SORCS1: variants seen among roughly 807,000 people sequenced by gnomAD.
SORCS1 encodes sortilin related VPS10 domain containing receptor 1, also known as VPS10 domain-containing receptor SorCS1.
Under a neutral mutation model 146.1 loss-of-function variants are expected in SORCS1, and 60 were observed. That is an observed-to-expected ratio of 0.41 (90% CI 0.33 to 0.51). The LOEUF (loss-of-function observed/expected upper bound fraction) is 0.51, where lower values mean the gene tolerates loss of function less well. SORCS1 is among the 20% of genes least tolerant of loss of function. The probability of loss-of-function intolerance (pLI) is 0.21; values close to 1 mark genes in which losing one functional copy is unlikely to be tolerated. For missense variants in SORCS1, 1,352 were observed against 1,487.6 expected (o/e 0.91, Z 1.50); for synonymous variants, 637 against 584.0 (o/e 1.09, Z -1.31).
At chr10:106,877,156 T>C (rs1432578383) in intron 2 of SORCS1, among the ~76,000 whole-genome samples, 1 of 152,240 alleles carries the variant, frequency 6.6e-6, no homozygotes, top group African/African-American at 2.4e-5. Context: ...TTGCCACAGC[T>C]TGATTTTTCT....
intron 24 of SORCS1, among the ~76,000 whole-genome samples, chr10:106,594,256 C>CT (rs1208766490): frequency 1.3e-5 from 2 of 151,956 alleles, no homozygotes; most frequent in Admixed American, 6.6e-5. Context: ...ATAAGGTTTC[C>CT]TTTTTTTTAC....
At chr10:106,760,767 G>A (rs573710127) in intron 5 of SORCS1, among the ~76,000 whole-genome samples, 1 of 151,798 alleles carries the variant, frequency 6.6e-6, no homozygotes, top group Admixed American at 6.6e-5. Flanking sequence ...AACATTTCTA[G>A]AAAGATAATT....
chr10:106,691,369 AGATCTT>A (rs1853282661), intron 9 of SORCS1, among the ~76,000 whole-genome samples: 1 of 152,224 alleles, frequency 6.6e-6, no homozygotes, highest in Non-Finnish European at 1.5e-5. Context: ...TTCTGCATAA[AGATCTT>A]TAAGAATTCT....
chr10:107,055,383 C>A (rs1960519989), intron 1 of SORCS1, among the ~76,000 whole-genome samples: 1 of 151,496 alleles, frequency 6.6e-6, no homozygotes, highest in Admixed American at 6.6e-5. Context: ...GTTATACAGG[C>A]AGGACTTAAT....
chr10:106,830,541 T>G (rs1000245501), intron 2 of SORCS1, among the ~76,000 whole-genome samples: 4 of 151,768 alleles, frequency 2.6e-5, no homozygotes, highest in Admixed American at 2.6e-4. Context: ...CTAGGCCCCA[T>G]GTTGCTTTCA....
At chr10:106,742,803 A>G (rs1023489361) in intron 5 of SORCS1, among the ~76,000 whole-genome samples, 1 of 152,160 alleles carries the variant, frequency 6.6e-6, no homozygotes, top group Admixed American at 6.5e-5. Context: ...TTGTCACTCA[A>G]AAAGTTTCAG....
In SORCS1 at chr10:106,606,274, TACACAC is replaced by T. The variant is rs6144077; in HGVS notation, c.3165+886_3165+891del. ...AATCACACAAATACACACACAGATA[TACACAC>T]ACACACACACACACACACACACACA... On this transcript the variant is annotated intron_variant, in intron 23 of 25. Coordinates refer to ENST00000263054, the MANE Select transcript of SORCS1 (RefSeq NM_052918.5). Among the ~76,000 whole-genome samples the T allele has an allele frequency of 7.2e-3, 998 of 139,034 alleles. 9 individuals carry two copies. The highest frequency in any genetic ancestry group is 0.02 in the African/African-American group (657 of 33,192). 91.2% of individuals were successfully genotyped at this position (139,034 alleles called of 152,430 possible). A position where few individuals can be genotyped will look rare whatever the true frequency, so the allele number is the denominator to read the frequency against.
At chr10:107,066,736 TA>T (rs927089412) in intron 1 of SORCS1, among the ~76,000 whole-genome samples, 1 of 152,156 alleles carries the variant, frequency 6.6e-6, no homozygotes, top group Admixed American at 6.5e-5. Context: ...CTGAGTTCTC[TA>T]AAAAAAGATT....
intron 1 of SORCS1, among the ~76,000 whole-genome samples, chr10:107,096,631 C>T (rs1245237282): frequency 6.6e-6 from 1 of 152,154 alleles, no homozygotes; most frequent in Non-Finnish European, 1.5e-5. Context: ...CCTGCCTCAG[C>T]CTCCTGAGTA....
rs759089178 is a variant in SORCS1 at position 106,629,280 on chromosome 10, C to T, written c.2584G>A (p.Val862Met). The T allele has an allele frequency of 1.9e-6, 3 of 1,614,160 alleles. No individual in the cohort carries two copies. Among genetic ancestry groups the T allele is most frequent in the Admixed American group, 1.7e-5 (1 of 60,022 alleles). Residue 862 changes from valine to methionine, a missense_variant, in exon 19 of 26, where the codon GTG becomes ATG. Transcript: ENST00000263054. ...EDGIKHVYQN[V>M]GIFRVTVQVD... Reference sequence around the variant, plus strand: ...TGCACGGTCACACGGAAAATGCCCACGTTCTGATAGACGTGTTTGATCCCA... The same window carrying T: ...TGCACGGTCACACGGAAAATGCCCATGTTCTGATAGACGTGTTTGATCCCA...
intron 1 of SORCS1, among the ~76,000 whole-genome samples, chr10:107,036,252 GAAT>G (rs750737119): frequency 3.9e-5 from 6 of 152,116 alleles, no homozygotes; most frequent in Non-Finnish European, 7.3e-5. Flanking sequence ...TTTTCTCATA[GAAT>G]TTACATTGTA....
At chr10:107,031,258 G>A (rs1309023649) in intron 1 of SORCS1, among the ~76,000 whole-genome samples, 1 of 152,066 alleles carries the variant, frequency 6.6e-6, no homozygotes, top group African/African-American at 2.4e-5. Context: ...TTATAGCTAA[G>A]CTCCTTCATT....
At chr10:106,758,057 T>C (rs985224616) in intron 5 of SORCS1, among the ~76,000 whole-genome samples, 3 of 151,980 alleles carry the variant, frequency 2.0e-5, no homozygotes, top group African/African-American at 7.2e-5. Context: ...AAGAAGGAGG[T>C]TTTATTTATT....
Position 107,040,426 on chromosome 10 carries a change from A to C in SORCS1, c.559-83846T>G, listed in dbSNP as rs192707510. On this transcript the variant is annotated intron_variant, in intron 1 of 25. Coordinates refer to ENST00000263054, the MANE Select transcript of SORCS1 (RefSeq NM_052918.5). ...AATCCAAGTCACATATCCAGAACAC[A>C]GGGACAGAACATTTGTGAATTCACC... Among the ~76,000 whole-genome samples the C allele has an allele frequency of 1.1e-3, 168 of 152,334 alleles. 1 individual carries two copies. The highest frequency in any genetic ancestry group is 1.7e-3 in the Non-Finnish European group (118 of 68,032).
chr10:106,608,557 T>C (rs534080886), intron 22 of SORCS1, among the ~76,000 whole-genome samples: 2 of 152,328 alleles, frequency 1.3e-5, no homozygotes, highest in East Asian at 1.9e-4. Flanking sequence ...GCTAAGTAAC[T>C]TATATTATTT....
intron 24 of SORCS1, among the ~76,000 whole-genome samples, chr10:106,586,849 G>A (rs560867116): frequency 1.3e-5 from 2 of 152,204 alleles, no homozygotes; most frequent in South Asian, 2.1e-4. Flanking sequence ...CTAGCTACTC[G>A]AGAGGCTGAG....
intron 2 of SORCS1, among the ~76,000 whole-genome samples, chr10:106,834,534 T>C (rs1432402652): frequency 6.6e-6 from 1 of 151,702 alleles, no homozygotes; most frequent in Non-Finnish European, 1.5e-5. Flanking sequence ...TGGGGAAGCA[T>C]AAGATCAAAG....
chr10:106,601,586 A>C (rs1368256602), intron 23 of SORCS1, among the ~76,000 whole-genome samples: 1 of 152,186 alleles, frequency 6.6e-6, no homozygotes, highest in Non-Finnish European at 1.5e-5. Flanking sequence ...TCTTCTTCAC[A>C]CAAGAGGAAG....
At chr10:107,110,968 C>T (rs1965654916) in intron 1 of SORCS1, among the ~76,000 whole-genome samples, 1 of 152,146 alleles carries the variant, frequency 6.6e-6, no homozygotes, top group South Asian at 2.1e-4. Context: ...GGTAACAGGC[C>T]TGCCAACTGT....
Sources: gnomAD v4.1 joint callset for allele counts (sites outside exome capture counted in the v4.1 genomes callset) on GRCh38, gnomAD v4.1.1 for gene constraint, MANE v1.5 for transcripts, NCBI Gene and HGNC (gene_info 2026-07-23, HGNC 2026-07-21) for gene names.